The following RALYL variants were observed in gnomAD, a reference collection of about 807,000 sequenced individuals.
The protein encoded by RALYL is RNA-binding Raly-like protein.
RALYL carries 29 observed loss-of-function variants against 35.1 expected under a neutral mutation model. That is an observed-to-expected ratio of 0.83 (90% CI 0.61 to 1.13). The LOEUF is 1.13. Ranked by LOEUF, RALYL falls within the 50% of genes most tolerant of loss-of-function variation. RALYL has a pLI of 0.00. For synonymous variants in RALYL, 120 were observed against 127.6 expected (o/e 0.94, Z 0.40); for missense variants, 359 against 360.4 (o/e 1.00, Z 0.03).
At chr8:84,715,719 GA>G (rs1842861854) in intron 2 of RALYL, among the ~76,000 whole-genome samples, 1 of 151,996 alleles carries the variant, frequency 6.6e-6, no homozygotes, top group South Asian at 2.1e-4. Flanking sequence ...TCTTGATCTA[GA>G]ACAGCTAAGT....
At chr8:84,396,227 G>A (rs1046820008) in intron 1 of RALYL, among the ~76,000 whole-genome samples, 2 of 151,828 alleles carry the variant, frequency 1.3e-5, no homozygotes, top group Admixed American at 6.6e-5. Context: ...AATATCTATG[G>A]TCTATTTTTA....
intron 2 of RALYL, among the ~76,000 whole-genome samples, chr8:84,672,821 G>A (rs1833523293): frequency 6.6e-6 from 1 of 152,176 alleles, no homozygotes; most frequent in African/African-American, 2.4e-5. Context: ...CATGACATGT[G>A]GGGATTGTGG....
rs369746268 is a variant in RALYL, at chr8:84,377,451, GTTTTTTT to G, written c.-23-151830_-23-151824del. On this transcript the variant is annotated intron_variant, in intron 1 of 8. Coordinates refer to ENST00000521268, the MANE Select transcript of RALYL (RefSeq NM_173848.7). ...GAGGAGATATCATCAAAGGTTAACTGTTTTTTTTTTTTTTTTTTTTTTTTCTTAAACT... is the reference window on the plus strand; with the variant it reads ...GAGGAGATATCATCAAAGGTTAACTGTTTTTTTTTTTTTTTTTCTTAAACT... Among the ~76,000 whole-genome samples the G allele has an allele frequency of 3.3e-3, 279 of 83,718 alleles. 1 individual carries two copies. Among genetic ancestry groups the G allele is most frequent in the South Asian group, 0.02 (50 of 2,442 alleles). The allele number at this position is 83,718 out of a possible 152,430, so 54.9% of individuals were successfully genotyped here.
chr8:84,860,698 C>G (rs1223938388), intron 5 of RALYL, among the ~76,000 whole-genome samples: 1 of 152,176 alleles, frequency 6.6e-6, no homozygotes, highest in Non-Finnish European at 1.5e-5. Context: ...CTCTAATGGA[C>G]TTTGCTTAGT....
intron 1 of RALYL, among the ~76,000 whole-genome samples, chr8:84,281,158 A>G (rs1836467409): frequency 6.6e-6 from 1 of 152,082 alleles, no homozygotes; most frequent in African/African-American, 2.4e-5. Context: ...TTGATTCTGG[A>G]TTGAAGACTC....
chr8:84,920,003 T>G (rs1413234930), intron 8 of RALYL, among the ~76,000 whole-genome samples: 1 of 152,098 alleles, frequency 6.6e-6, no homozygotes, highest in Non-Finnish European at 1.5e-5. Context: ...ACACTCAGTC[T>G]TTTTCATAAT....
intron 2 of RALYL, among the ~76,000 whole-genome samples, chr8:84,601,957 A>G (rs555669051): frequency 6.6e-6 from 1 of 152,100 alleles, no homozygotes; most frequent in South Asian, 2.1e-4. Flanking sequence ...TTCTCTGTAG[A>G]CTGTTCTTTC....
At chr8:84,730,316 C>G (rs1845901860) in intron 2 of RALYL, among the ~76,000 whole-genome samples, 1 of 152,048 alleles carries the variant, frequency 6.6e-6, no homozygotes. Context: ...CAGAAAAGGC[C>G]TTTGACAAAA....
intron 2 of RALYL, among the ~76,000 whole-genome samples, chr8:84,545,159 T>TAC (rs2060273116): frequency 6.6e-6 from 1 of 152,150 alleles, no homozygotes; most frequent in Non-Finnish European, 1.5e-5. Context: ...GTTATCCAGC[T>TAC]ACACCATCAT....
chr8:84,449,070 G>GT lies in RALYL; in HGVS notation c.-23-80222dup, dbSNP rs1215015705. 1.6e-3 allele frequency among the ~76,000 whole-genome samples: 217 copies of GT among 134,842 alleles called. 1 individual carries two copies. The highest frequency in any genetic ancestry group is 0.011 in the East Asian group (51 of 4,634). 88.5% of individuals were successfully genotyped at this position (134,842 alleles called of 152,430 possible). On this transcript the variant is annotated intron_variant, in intron 1 of 8. Transcript: ENST00000521268. ...TAGCACAGGGCTTTGTTAGCTGTTA[G>GT]TTTTTTTGTTTTTTTTTTTTTTTTG... is the stretch of plus-strand genomic sequence containing the variant.
At chr8:84,527,588 G>C (rs1275215648) in intron 1 of RALYL, among the ~76,000 whole-genome samples, 5 of 152,044 alleles carry the variant, frequency 3.3e-5, no homozygotes, top group Non-Finnish European at 7.4e-5. Flanking sequence ...GGCTTGGAAT[G>C]GTAAGAAAGG....
chr8:84,724,308 C>A (rs1844542372), intron 2 of RALYL, among the ~76,000 whole-genome samples: 1 of 151,746 alleles, frequency 6.6e-6, no homozygotes, highest in Non-Finnish European at 1.5e-5. Flanking sequence ...TTTACATTGT[C>A]TCTCTTTCAG....
At chr8:84,449,289 G>A (rs2049193076) in intron 1 of RALYL, among the ~76,000 whole-genome samples, 1 of 151,870 alleles carries the variant, frequency 6.6e-6, no homozygotes, top group Non-Finnish European at 1.5e-5. Context: ...TGGCAACAGT[G>A]GGGAGCTTTG....
intron 2 of RALYL, among the ~76,000 whole-genome samples, chr8:84,567,739 G>T (rs939464187): frequency 6.6e-6 from 1 of 151,332 alleles, no homozygotes; most frequent in African/African-American, 2.4e-5. Context: ...GGGATTGCTG[G>T]ATTGGATGGT....
intron 2 of RALYL, among the ~76,000 whole-genome samples, chr8:84,754,257 A>T (rs944911629): frequency 5.9e-5 from 9 of 152,000 alleles, no homozygotes; most frequent in South Asian, 2.1e-4. Flanking sequence ...ATAATAATAA[A>T]AAAAAAAAAT....
intron 1 of RALYL, among the ~76,000 whole-genome samples, chr8:84,211,137 A>G (rs1554573807): frequency 1.3e-5 from 2 of 152,114 alleles, no homozygotes; most frequent in Non-Finnish European, 1.5e-5. Flanking sequence ...GAACTGAAAA[A>G]TTAGGTCACT....
chr8:84,529,684 A>G (rs779549840), intron 2 of RALYL, 107 bp downstream of exon 2: 14 of 822,200 alleles, frequency 1.7e-5, no homozygotes, highest in Admixed American at 3.3e-5. Flanking sequence ...TCTTTAACCA[A>G]TTAGAGTGAT....
chr8:84,917,660 A>T (rs949830918), intron 8 of RALYL, among the ~76,000 whole-genome samples: 3 of 151,438 alleles, frequency 2.0e-5, no homozygotes, highest in African/African-American at 7.3e-5. Context: ...CCATCAACTC[A>T]GGAATAGAGA....
intron 2 of RALYL, among the ~76,000 whole-genome samples, chr8:84,554,849 T>G (rs778689490): frequency 8.5e-5 from 13 of 152,222 alleles, no homozygotes; most frequent in Non-Finnish European, 1.9e-4. Context: ...TTTGATAAAT[T>G]ATTTCTTCAA....
Sources: gnomAD v4.1 joint callset for allele counts (sites outside exome capture counted in the v4.1 genomes callset) on GRCh38, gnomAD v4.1.1 for gene constraint, MANE v1.5 for transcripts, NCBI Gene and HGNC (gene_info 2026-07-23, HGNC 2026-07-21) for gene names.